Variants in FER observed in about 807,000 individuals in gnomAD.
FER encodes the protein FER tyrosine kinase, also known as tyrosine-protein kinase Fer.
Under a neutral mutation model 111.0 loss-of-function variants are expected in FER, and 63 were observed. The ratio of observed to expected loss-of-function variants is 0.57; its 90% CI spans 0.46 to 0.70. FER has a LOEUF of 0.70. FER is among the 30% of genes least tolerant of loss of function. The pLI is 0.00. For missense variants in FER, 914 were observed against 954.0 expected (o/e 0.96, Z 0.55); for synonymous variants, 327 against 313.9 (o/e 1.04, Z -0.44).
At position 108,927,505 on chromosome 5, in the gene FER, T is replaced by C. The variant is rs947916419; in HGVS notation, c.1237-18625T>C. Among the ~76,000 whole-genome samples the C allele has an allele frequency of 6.6e-5, 10 of 152,204 alleles. 1 individual carries two copies. Among genetic ancestry groups the C allele is most frequent in the African/African-American group, 2.2e-4 (9 of 41,542 alleles). On this transcript the variant is annotated intron_variant, in intron 10 of 19. Coordinates refer to ENST00000281092, the MANE Select transcript of FER (RefSeq NM_005246.4). ...TGATCTCCTGACCTCATGATCCACC[T>C]GCCTCGGCCTCCCAAAGTGCTGGGA...
At chr5:108,896,620 T>C (rs936109687) in intron 9 of FER, among the ~76,000 whole-genome samples, 3 of 152,188 alleles carry the variant, frequency 2.0e-5, no homozygotes, top group African/African-American at 4.8e-5. Context: ...GCTTTCTTTA[T>C]AGCAGTCACT....
chr5:109,189,500 T>G lies in FER; in HGVS notation c.*1925T>G, dbSNP rs1465267582. 3 of 151,968 alleles carry G rather than the reference T, an allele frequency of 2.0e-5. No homozygotes were observed. Among genetic ancestry groups the G allele is most frequent in the Non-Finnish European group, 4.4e-5 (3 of 67,982 alleles). The allele number at this position is 151,968 out of a possible 1,614,324, so 9.4% of individuals were successfully genotyped here. A position where few individuals can be genotyped will look rare whatever the true frequency, so the allele number is the denominator to read the frequency against. The stretch of plus-strand genomic sequence containing the variant: ...CTAACATTTCAATCTCCTTGCAGAT[T>G]TCATACATACTTAATGATTAGTACA... On this transcript the variant is annotated 3_prime_UTR_variant, in exon 20 of 20. Coordinates refer to ENST00000281092, the MANE Select transcript of FER (RefSeq NM_005246.4).
intron 5 of FER, among the ~76,000 whole-genome samples, chr5:108,844,996 G>GTGTATATATA (rs1761755814): frequency 3.4e-5 from 1 of 29,290 alleles, no homozygotes; most frequent in Non-Finnish European, 7.0e-5. Flanking sequence ...GTGTGTGTGT[G>GTGTATATATA]TATATATATA....
chr5:108,995,853 C>T (rs1415922495), intron 13 of FER, among the ~76,000 whole-genome samples: 2 of 152,220 alleles, frequency 1.3e-5, no homozygotes, highest in African/African-American at 4.8e-5. Context: ...CTGTCTTCCA[C>T]AATGGCTGAA....
chr5:109,096,973 A>G (rs1203903059), intron 16 of FER, among the ~76,000 whole-genome samples: 2 of 148,200 alleles, frequency 1.3e-5, no homozygotes, highest in African/African-American at 4.9e-5. Flanking sequence ...AATATATAAT[A>G]AATATATAAA....
chr5:109,011,570 C>G (rs1766272615), intron 13 of FER, among the ~76,000 whole-genome samples: 1 of 152,084 alleles, frequency 6.6e-6, no homozygotes, highest in African/African-American at 2.4e-5. Flanking sequence ...TTGAGTTTTC[C>G]CCTAACCTCC....
chr5:109,055,056 C>G (rs2149942343), intron 16 of FER, among the ~76,000 whole-genome samples: 1 of 152,158 alleles, frequency 6.6e-6, no homozygotes, highest in African/African-American at 2.4e-5. Context: ...CAAGAAGACA[C>G]AAAGGGGAAA....
chr5:109,096,325 A>G, intron 16 of FER, among the ~76,000 whole-genome samples: 1 of 152,124 alleles, frequency 6.6e-6, no homozygotes, highest in Middle Eastern at 3.4e-3. Flanking sequence ...TCTGATACAG[A>G]TATTATCTTA....
At chr5:109,119,037 T>C (rs1374279875) in intron 17 of FER, among the ~76,000 whole-genome samples, 1 of 152,148 alleles carries the variant, frequency 6.6e-6, no homozygotes, top group Non-Finnish European at 1.5e-5. Flanking sequence ...TAGTTATTTC[T>C]TGCCTTCTGC....
intron 9 of FER, among the ~76,000 whole-genome samples, chr5:108,894,033 T>C (rs1047057610): frequency 1.3e-5 from 2 of 150,264 alleles, no homozygotes; most frequent in African/African-American, 4.9e-5. Flanking sequence ...ATTCCTTCCA[T>C]CTCCAAATGA....
At chr5:109,069,459 T>C (rs955313304) in intron 16 of FER, among the ~76,000 whole-genome samples, 6 of 152,174 alleles carry the variant, frequency 3.9e-5, no homozygotes, top group Admixed American at 1.3e-4. Flanking sequence ...AAGAACACTT[T>C]CTGAAATGTG....
chr5:108,967,183 A>G (rs371637259), intron 13 of FER, among the ~76,000 whole-genome samples: 9 of 152,206 alleles, frequency 5.9e-5, no homozygotes, highest in East Asian at 1.9e-4. Context: ...ATCACATTCA[A>G]CTGTTTCCAA....
chr5:108,859,981 G>A (rs1023436977), intron 5 of FER, among the ~76,000 whole-genome samples: 6 of 147,808 alleles, frequency 4.1e-5, no homozygotes, highest in African/African-American at 7.6e-5. Flanking sequence ...TCTCTCTGTC[G>A]CCCAGGCTGG....
intron 16 of FER, among the ~76,000 whole-genome samples, chr5:109,063,165 T>C (rs1774647907): frequency 1.3e-5 from 2 of 152,118 alleles, no homozygotes; most frequent in Admixed American, 6.5e-5. Context: ...TCAAAATTCG[T>C]TTTCTTTTAA....
At position 108,789,155 on chromosome 5, in the gene FER, C is replaced by T. The variant is rs535269328; in HGVS notation, c.-59-8969C>T. Among the ~76,000 whole-genome samples the T allele has an allele frequency of 7.9e-5, 12 of 152,328 alleles. No individual in the cohort carries two copies. In the East Asian group the frequency reaches 1.7e-3, roughly 22 times the overall value. On this transcript the variant is annotated intron_variant, in intron 2 of 19. Coordinates refer to ENST00000281092, the MANE Select transcript of FER (RefSeq NM_005246.4). ...TTTTCACAAACTGACCATACTTGTGCAGCTAGTACCAACAAATTAATCTTT... is the reference window on the plus strand; with the variant it reads ...TTTTCACAAACTGACCATACTTGTGTAGCTAGTACCAACAAATTAATCTTT...
At chr5:108,993,046 C>T (rs1294415710) in intron 13 of FER, among the ~76,000 whole-genome samples, 2 of 151,534 alleles carry the variant, frequency 1.3e-5, no homozygotes, top group African/African-American at 4.9e-5. Flanking sequence ...ACGCTCCTCA[C>T]TTTCCAGACT....
intron 13 of FER, among the ~76,000 whole-genome samples, chr5:109,034,755 C>G (rs1027630844): frequency 1.3e-5 from 2 of 152,012 alleles, no homozygotes; most frequent in African/African-American, 4.8e-5. Context: ...GCTCAACTGC[C>G]TAGGTTATCA....
At chr5:109,023,558 C>T (rs1440345452) in intron 13 of FER, among the ~76,000 whole-genome samples, 1 of 152,100 alleles carries the variant, frequency 6.6e-6, no homozygotes, top group East Asian at 1.9e-4. Flanking sequence ...CTACCTTTGC[C>T]TGCTTTCAGT....
At chr5:108,949,251 C>G (rs1274508078) in intron 11 of FER, among the ~76,000 whole-genome samples, 1 of 151,864 alleles carries the variant, frequency 6.6e-6, no homozygotes, top group Non-Finnish European at 1.5e-5. Context: ...TTAGTGTTCT[C>G]CTTTGAGTCT....
Sources: gnomAD v4.1 joint callset for allele counts (sites outside exome capture counted in the v4.1 genomes callset) on GRCh38, gnomAD v4.1.1 for gene constraint, MANE v1.5 for transcripts, NCBI Gene and HGNC (gene_info 2026-07-23, HGNC 2026-07-21) for gene names.